CCZ1B: variants seen among roughly 807,000 people sequenced by gnomAD.
CCZ1B encodes CCZ1B vacuolar protein trafficking and biogenesis associated, also known as vacuolar fusion protein CCZ1 homolog B.
A neutral mutation model predicts 58.8 loss-of-function variants in CCZ1B; 25 were observed. The observed-to-expected ratio is 0.43, with a 90% CI of 0.31 to 0.59. The LOEUF is 0.59. Ranked by LOEUF, CCZ1B falls within the 20% of genes least tolerant of loss-of-function variation. The pLI is 0.12. For missense variants in CCZ1B, 180 were observed against 501.5 expected, an observed-to-expected ratio of 0.36 and a Z score of 6.12; for synonymous variants, 66 against 173.2, an observed-to-expected ratio of 0.38 and a Z score of 4.86.
chr7:6,814,594 A>C lies in CCZ1B; in HGVS notation c.780+170T>G, dbSNP rs182312487. On this transcript the variant is annotated intron_variant, in intron 8 of 14. Coordinates refer to ENST00000316731, the MANE Select transcript of CCZ1B (RefSeq NM_198097.5). ...ATCTGAATGTCACATACTGGAGGAG[A>C]GCTGCATGTGGTTTTCTGTGCTAAT... 3.2e-5 allele frequency: 16 copies of C among 495,074 alleles called. 1 individual carries two copies. Among genetic ancestry groups the C allele is most frequent in the Non-Finnish European group, 5.8e-5 (16 of 276,118 alleles). 30.7% of individuals were successfully genotyped at this position (495,074 alleles called of 1,614,324 possible).
intron 14 of CCZ1B, among the ~76,000 whole-genome samples, chr7:6,800,724 G>T (rs1583546292): frequency 7.2e-6 from 1 of 138,994 alleles, no homozygotes; most frequent in African/African-American, 2.8e-5. Context: ...TTTTAGAATT[G>T]TAGAAAATAA....
chr7:6,814,180 A>G (rs1235182385), intron 8 of CCZ1B, among the ~76,000 whole-genome samples: 1 of 149,164 alleles, frequency 6.7e-6, no homozygotes, highest in South Asian at 2.1e-4. Context: ...AAAATAAAAT[A>G]CATAAATTAA....
In CCZ1B at chr7:6,819,879, G is replaced by A. The variant is rs1407384490; in HGVS notation, c.585C>T (p.Phe195=). Residue 195 remains phenylalanine, a synonymous_variant, in exon 7 of 15, where the codon TTC becomes TTT. Coordinates refer to ENST00000316731, the MANE Select transcript of CCZ1B (RefSeq NM_198097.5). ...DLLDIFGGIS[F]FPLDKMTYLK... is the part of the protein sequence containing the mutation. ...AATAAGTCATTTTATCCAACGGGAA[G>A]AAGCTGATTCCACCAAAAATGTCAA... is the stretch of plus-strand genomic sequence containing the variant. 1.3e-6 allele frequency: 2 copies of A among 1,591,100 alleles called. No individual in the cohort carries two copies. The highest frequency in any genetic ancestry group is 1.7e-6 in the Non-Finnish European group (2 of 1,165,552).
At position 6,812,054 on chromosome 7, in the gene CCZ1B, G is replaced by A. The variant is rs367593576; in HGVS notation, c.852C>T (p.Thr284=). 6.0e-5 allele frequency: 88 copies of A among 1,470,844 alleles called. 2 individuals are homozygous for A. The African/African-American group carries it at 1.1e-3, about 18-fold the overall frequency. 91.1% of individuals were successfully genotyped at this position (1,470,844 alleles called of 1,614,324 possible). A position where few individuals can be genotyped will look rare whatever the true frequency, so the allele number is the denominator to read the frequency against. The change falls in exon 10 of 15, where the codon ACC becomes ACT. Residue 284 remains threonine (T), a synonymous_variant. Coordinates refer to ENST00000316731, the MANE Select transcript of CCZ1B (RefSeq NM_198097.5). ...CTGGATCATTGAGGTTCAAGGGTCC[G>A]GTAAGAAATCTTAAAAGCAAGAACA... ...GNLQHYGRFL[T]GPLNLNDPDA...
At position 6,814,511 on chromosome 7, in the gene CCZ1B, A is replaced by G. The variant is rs113037857; in HGVS notation, c.780+253T>C. ...ACTCCGTCTCAAAAACCAAACAAAC[A>G]AAAACACACACAAAAAAACCAACAC... On this transcript the variant is annotated intron_variant, in intron 8 of 14. Coordinates refer to ENST00000316731, the MANE Select transcript of CCZ1B (RefSeq NM_198097.5). 4.4e-5 allele frequency: 16 copies of G among 365,894 alleles called. 2 individuals are homozygous for G. Among genetic ancestry groups the G allele is most frequent in the African/African-American group, 3.5e-4 (16 of 45,276 alleles). The allele number at this position is 365,894 out of a possible 1,614,324, so 22.7% of individuals were successfully genotyped here.
intron 7 of CCZ1B, among the ~76,000 whole-genome samples, chr7:6,816,622 C>G (rs1783004300): frequency 1.3e-5 from 2 of 150,862 alleles, no homozygotes; most frequent in South Asian, 2.1e-4. Context: ...CCAAGTAACT[C>G]CTGGCTCAAG....
chr7:6,809,937 G>A (rs1782893276), intron 10 of CCZ1B, among the ~76,000 whole-genome samples: 2 of 146,974 alleles, frequency 1.4e-5, no homozygotes, highest in African/African-American at 5.1e-5. Flanking sequence ...TTATTCTGCT[G>A]ACGGATGACC....
At chr7:6,822,746 G>T in intron 5 of CCZ1B, among the ~76,000 whole-genome samples, 1 of 127,456 alleles carries the variant, frequency 7.8e-6, no homozygotes, top group Non-Finnish European at 1.6e-5. Context: ...CTGTTGCCCA[G>T]GGTAGAGTGC....
intron 10 of CCZ1B, among the ~76,000 whole-genome samples, chr7:6,811,102 G>C (rs982174036): frequency 1.3e-5 from 2 of 151,412 alleles, no homozygotes; most frequent in African/African-American, 4.9e-5. Flanking sequence ...GCAAGGATGG[G>C]GGAAGGGGAG....
chr7:6,804,127 G>C (rs1782802136), intron 12 of CCZ1B, among the ~76,000 whole-genome samples: 1 of 150,556 alleles, frequency 6.6e-6, no homozygotes, highest in African/African-American at 2.4e-5. Context: ...ATTTTATATT[G>C]AGAAAAGATA....
chr7:6,818,198 T>G (rs1783036663), intron 7 of CCZ1B, among the ~76,000 whole-genome samples: 2 of 149,662 alleles, frequency 1.3e-5, no homozygotes, highest in Non-Finnish European at 3.0e-5. Flanking sequence ...TAGTTTTGCC[T>G]TTTCTATTAG....
Position 6,818,635 on chromosome 7 carries a change from A to G in CCZ1B, c.698+1131T>C, listed in dbSNP as rs1395255865. The stretch of plus-strand genomic sequence containing the variant: ...AGAAAGACAAGAAAGAAAGAAAGAC[A>G]AGAAAGAAAGAAAGACAGAAAGAAA... On this transcript the variant is annotated intron_variant, in intron 7 of 14. Coordinates refer to ENST00000316731, the MANE Select transcript of CCZ1B (RefSeq NM_198097.5). Among the ~76,000 whole-genome samples, 2 of 108,412 alleles carry G rather than the reference A, an allele frequency of 1.8e-5. 1 individual carries two copies. Among genetic ancestry groups the G allele is most frequent in the Non-Finnish European group, 4.0e-5 (2 of 49,992 alleles). 71.1% of individuals were successfully genotyped at this position (108,412 alleles called of 152,430 possible). A position where few individuals can be genotyped will look rare whatever the true frequency, so the allele number is the denominator to read the frequency against.
At position 6,824,342 on chromosome 7, in the gene CCZ1B, T is replaced by C. The variant is rs1023934899; in HGVS notation, c.312+113A>G. 3.1e-6 allele frequency: 4 copies of C among 1,308,150 alleles called. No individual in the cohort carries two copies. In the African/African-American group the frequency reaches 6.3e-5, roughly 21 times the overall value. The allele number at this position is 1,308,150 out of a possible 1,614,324, so 81.0% of individuals were successfully genotyped here. On this transcript the variant is annotated intron_variant, in intron 3 of 14. Transcript: ENST00000316731. ...GATTTTAAAATTGCAACCAATTTTA[T>C]TTTAATTTTACTTGGATGCAACAGC...
intron 7 of CCZ1B, among the ~76,000 whole-genome samples, chr7:6,816,624 T>C (rs1366322366): frequency 2.6e-5 from 4 of 151,004 alleles, no homozygotes; most frequent in South Asian, 2.1e-4. Flanking sequence ...AAGTAACTCC[T>C]GGCTCAAGCG....
chr7:6,811,568 T>C (rs1424650103), intron 10 of CCZ1B: 1 of 267,264 alleles, frequency 3.7e-6, no homozygotes, highest in Non-Finnish European at 7.1e-6. Flanking sequence ...ACGATCCTTA[T>C]GGAATTAGCA....
intron 6 of CCZ1B, among the ~76,000 whole-genome samples, chr7:6,821,200 C>G (rs376157999): frequency 7.7e-6 from 1 of 129,164 alleles, no homozygotes; most frequent in Non-Finnish European, 1.7e-5. Flanking sequence ...TTAGTAGAGA[C>G]GAGGTTTCAC....
intron 12 of CCZ1B, among the ~76,000 whole-genome samples, chr7:6,804,337 C>T (rs1200305497): frequency 7.9e-6 from 1 of 127,384 alleles, no homozygotes; most frequent in East Asian, 3.1e-4. Context: ...GCATGAGAAT[C>T]GCTTGAGCCT....
Position 6,814,791 on chromosome 7 carries a change from G to A in CCZ1B, c.753C>T (p.Ser251=), listed in dbSNP as rs1324528054. 7 of 1,607,588 alleles carry A rather than the reference G, an allele frequency of 4.4e-6. No individual in the cohort carries two copies. Among genetic ancestry groups the A allele is most frequent in the African/African-American group, 1.4e-5 (1 of 71,782 alleles). The change falls in exon 8 of 15, where the codon TCC becomes TCT. Residue 251 remains serine (S), a synonymous_variant. Transcript: ENST00000316731. ...CAGGTTCGATGTGCCTTGGGAAAAGGGAGGTGGTAAGGTATTTGTATAAAA... is the reference window on the plus strand; with the variant it reads ...CAGGTTCGATGTGCCTTGGGAAAAGAGAGGTGGTAAGGTATTTGTATAAAA... ...MRILYKYLTT[S]LFPRHIEPEL...
chr7:6,810,590 C>G, intron 10 of CCZ1B, among the ~76,000 whole-genome samples: 1 of 148,078 alleles, frequency 6.8e-6, no homozygotes, highest in Non-Finnish European at 1.5e-5. Context: ...GTAGCTGGGA[C>G]TACACATGAG....
Sources: gnomAD v4.1 joint callset for allele counts (sites outside exome capture counted in the v4.1 genomes callset) on GRCh38, gnomAD v4.1.1 for gene constraint, MANE v1.5 for transcripts, NCBI Gene and HGNC (gene_info 2026-07-23, HGNC 2026-07-21) for gene names.